Variants in ADCK1 observed in about 807,000 individuals in gnomAD.
The protein encoded by ADCK1 is aarF domain-containing protein kinase 1.
Under a neutral mutation model 52.3 loss-of-function variants are expected in ADCK1, and 41 were observed. The ratio of observed to expected loss-of-function variants is 0.78; its 90% CI spans 0.61 to 1.02. The LOEUF (loss-of-function observed/expected upper bound fraction) is 1.02. ADCK1 is among the 50% of genes least tolerant of loss of function. The probability of loss-of-function intolerance (pLI) is 0.00; values close to 1 mark genes in which losing one functional copy is unlikely to be tolerated. For missense variants in ADCK1, 658 were observed against 679.5 expected, an observed-to-expected ratio of 0.97 and a Z score of 0.35; for synonymous variants, 250 against 274.6, an observed-to-expected ratio of 0.91 and a Z score of 0.89.
chr14:77,858,825 G>A (rs2082478939), intron 3 of ADCK1, among the ~76,000 whole-genome samples: 1 of 152,118 alleles, frequency 6.6e-6, no homozygotes, highest in Non-Finnish European at 1.5e-5. Context: ...TTTTGATGAA[G>A]AGGAGGAGAT....
At chr14:77,909,705 G>A (rs2083750215) in intron 7 of ADCK1, among the ~76,000 whole-genome samples, 2 of 152,196 alleles carry the variant, frequency 1.3e-5, no homozygotes, top group South Asian at 2.1e-4. Context: ...ACAGTGCCTG[G>A]TGTGTGGCTA....
intron 3 of ADCK1, among the ~76,000 whole-genome samples, chr14:77,851,878 G>A (rs1475417512): frequency 6.6e-6 from 1 of 151,936 alleles, no homozygotes; most frequent in Admixed American, 6.6e-5. Context: ...AAAAGTTCTT[G>A]TATATTTACT....
At chr14:77,892,682 G>T (rs2083308077) in intron 5 of ADCK1, among the ~76,000 whole-genome samples, 1 of 151,000 alleles carries the variant, frequency 6.6e-6, no homozygotes, top group Non-Finnish European at 1.5e-5. Context: ...CCCTTCATTT[G>T]TTATTGTCCA....
chr14:77,921,824 C>T (rs917496216), intron 7 of ADCK1, among the ~76,000 whole-genome samples: 2 of 152,116 alleles, frequency 1.3e-5, no homozygotes, highest in Admixed American at 6.5e-5. Flanking sequence ...CAATCCTGAG[C>T]CCCCAGACCC....
intron 4 of ADCK1, among the ~76,000 whole-genome samples, chr14:77,870,753 C>A (rs1471953818): frequency 1.3e-5 from 2 of 152,200 alleles, no homozygotes; most frequent in African/African-American, 4.8e-5. Flanking sequence ...GAAGGACTTG[C>A]CCTGGCAGTT....
chr14:77,885,507 G>C (rs367923326), intron 4 of ADCK1, among the ~76,000 whole-genome samples: 17 of 152,208 alleles, frequency 1.1e-4, no homozygotes, highest in Admixed American at 4.6e-4. Flanking sequence ...CTACAACAAT[G>C]ATGACAGGGC....
intron 1 of ADCK1, among the ~76,000 whole-genome samples, chr14:77,813,270 G>A (rs2081372920): frequency 6.6e-6 from 1 of 151,894 alleles, no homozygotes; most frequent in Admixed American, 6.6e-5. Flanking sequence ...CCAAAGTACT[G>A]GGATTATAGG....
chr14:77,822,635 C>T, intron 3 of ADCK1, 117 bp downstream of exon 3: 2 of 860,304 alleles, frequency 2.3e-6, no homozygotes, highest in Non-Finnish European at 3.8e-6. Context: ...AAGGCATGAG[C>T]CACTGTGCCC....
intron 6 of ADCK1, among the ~76,000 whole-genome samples, chr14:77,905,481 G>A (rs1479866435): frequency 2.6e-5 from 4 of 151,712 alleles, no homozygotes; most frequent in Non-Finnish European, 4.4e-5. Context: ...TTACAGGCGT[G>A]AGCCACTGCG....
chr14:77,842,856 A>G (rs1239747087), intron 3 of ADCK1, among the ~76,000 whole-genome samples: 2 of 138,248 alleles, frequency 1.4e-5, no homozygotes, highest in African/African-American at 2.7e-5. Context: ...GGTCGAGGGT[A>G]TTTTTTCTTT....
chr14:77,824,134 AG>A (rs2081641046), intron 3 of ADCK1, among the ~76,000 whole-genome samples: 1 of 151,308 alleles, frequency 6.6e-6, no homozygotes, highest in Non-Finnish European at 1.5e-5. Context: ...CCTGGCCTCA[AG>A]TGATCCGCCG....
chr14:77,883,372 T>C (rs2083076076), intron 4 of ADCK1, among the ~76,000 whole-genome samples: 1 of 137,596 alleles, frequency 7.3e-6, no homozygotes, highest in Non-Finnish European at 1.6e-5. Flanking sequence ...CGAGGCCTGA[T>C]TGGAGGGGGG....
chr14:77,808,110 C>T (rs1350827461), intron 1 of ADCK1, among the ~76,000 whole-genome samples: 8 of 152,140 alleles, frequency 5.3e-5, no homozygotes. Context: ...GATAGGAAGC[C>T]TGGAGACAGC....
intron 6 of ADCK1, among the ~76,000 whole-genome samples, 170 bp from the exon 7 acceptor site, chr14:77,907,633 T>G (rs1020848634): frequency 6.6e-6 from 1 of 152,214 alleles, no homozygotes; most frequent in Non-Finnish European, 1.5e-5. Context: ...CCAGCCTCCC[T>G]CTTGGCCTGG....
At chr14:77,807,855 C>G (rs2081263340) in intron 1 of ADCK1, among the ~76,000 whole-genome samples, 1 of 151,858 alleles carries the variant, frequency 6.6e-6, no homozygotes, top group African/African-American at 2.4e-5. Context: ...GTTGGCCAGT[C>G]TGGTCTTGAA....
At chr14:77,836,655 C>T (rs2081965020) in intron 3 of ADCK1, among the ~76,000 whole-genome samples, 1 of 152,180 alleles carries the variant, frequency 6.6e-6, no homozygotes, top group African/African-American at 2.4e-5. Context: ...TGGTGGGAAG[C>T]ATTCTAGGGA....
chr14:77,838,618 G>A (rs748980970), intron 3 of ADCK1, among the ~76,000 whole-genome samples: 2 of 152,082 alleles, frequency 1.3e-5, no homozygotes, highest in Non-Finnish European at 1.5e-5. Flanking sequence ...GGCTGGTCTC[G>A]AACTCCTGGG....
intron 7 of ADCK1, among the ~76,000 whole-genome samples, chr14:77,909,733 C>G (rs2083750544): frequency 6.6e-6 from 1 of 152,138 alleles, no homozygotes; most frequent in African/African-American, 2.4e-5. Context: ...AGAAGAGTAG[C>G]TGGGTGGTGG....
In ADCK1 at chr14:77,882,674, C is replaced by T. The variant is rs545253453; in HGVS notation, c.424-4417C>T. Among the ~76,000 whole-genome samples the T allele has an allele frequency of 5.9e-5, 9 of 152,278 alleles. No homozygotes were observed. The East Asian group carries it at 9.7e-4, about 16-fold the overall frequency. ...ACTCCAAGCAAAACTCCTCAGGAGG[C>T]GTCGTGTGGTTTCTCTAGAAGATCC... On this transcript the variant is annotated intron_variant, in intron 4 of 10. Transcript: ENST00000238561.
Sources: allele counts gnomAD v4.1 joint callset (sites outside exome capture counted in the v4.1 genomes callset), GRCh38; gene constraint gnomAD v4.1.1; transcripts MANE v1.5; gene names NCBI Gene and HGNC (gene_info 2026-07-23, HGNC 2026-07-21).